SLC6A6: variants seen among roughly 807,000 people sequenced by gnomAD.
SLC6A6 encodes the protein sodium- and chloride-dependent taurine transporter.
In SLC6A6, 16 loss-of-function variants were observed where a neutral mutation model predicts 68.8. That is an observed-to-expected ratio of 0.23 (90% CI 0.16 to 0.35). The LOEUF is 0.35. Ranked by LOEUF, SLC6A6 falls within the 10% of genes least tolerant of loss-of-function variation. SLC6A6 has a pLI of 1.00. For missense variants in SLC6A6, 474 were observed against 802.8 expected (o/e 0.59, Z 4.95); for synonymous variants, 312 against 315.4 (o/e 0.99, Z 0.12).
intron 1 of SLC6A6, among the ~76,000 whole-genome samples, chr3:14,407,478 C>T (rs1266658186): frequency 1.3e-5 from 2 of 151,734 alleles, no homozygotes; most frequent in Non-Finnish European, 2.9e-5. Flanking sequence ...CTCCTCACCT[C>T]ACAAGACAGC....
At chr3:14,470,487 T>C (rs918602953) in intron 9 of SLC6A6, among the ~76,000 whole-genome samples, 2 of 152,212 alleles carry the variant, frequency 1.3e-5, no homozygotes, top group South Asian at 4.1e-4. Flanking sequence ...GAGTTCACCA[T>C]GCACTTTTAG....
chr3:14,403,164 T>C (rs181427707), intron 1 of SLC6A6, among the ~76,000 whole-genome samples: 1 of 152,038 alleles, frequency 6.6e-6, no homozygotes, highest in Non-Finnish European at 1.5e-5. Flanking sequence ...TGCCTACATG[T>C]GCCTCCGTAT....
Position 14,468,341 on chromosome 3 carries a change from C to CA in SLC6A6, c.1096+129_1096+130insA, listed in dbSNP as rs1288425475. The CA allele has an allele frequency of 1.2e-5, 9 of 733,362 alleles. No homozygotes were observed. The highest frequency in any genetic ancestry group is 3.1e-5 in the East Asian group (1 of 32,686). 45.4% of individuals were successfully genotyped at this position (733,362 alleles called of 1,614,324 possible). A position where few individuals can be genotyped will look rare whatever the true frequency, so the allele number is the denominator to read the frequency against. On this transcript the variant is annotated intron_variant, in intron 9 of 14. Coordinates refer to ENST00000622186, the MANE Select transcript of SLC6A6 (RefSeq NM_003043.6). This position sits in a 1 kb window ranked among gnomAD's most constrained non-coding sequence, Gnocchi z 4.5. ...AGCCTGGTTTCTAAAATGGACCCCC[C>CA]CCCCGCCACCAAGATATCCCCCAAA...
chr3:14,479,173 A>C lies in SLC6A6; in HGVS notation c.1539A>C (p.Pro513=). 2 of 1,609,312 alleles carry C rather than the reference A, an allele frequency of 1.2e-6. No homozygotes were observed. Among genetic ancestry groups the C allele is most frequent in the Non-Finnish European group, 1.7e-6 (2 of 1,175,582 alleles). The change falls in exon 13 of 15, where the codon CCA becomes CCC. Residue 513 remains proline (P), a synonymous_variant. Coordinates refer to ENST00000622186, the MANE Select transcript of SLC6A6 (RefSeq NM_003043.6). ...AGTACAGCTGGGCTGTGATCACTCC[A>C]GTTCTCTGTGTTGTGAGTTCCATTT... ...WMKYSWAVIT[P]VLCVGCFIFS...
intron 2 of SLC6A6, among the ~76,000 whole-genome samples, chr3:14,435,202 G>C (rs750961909): frequency 3.9e-5 from 6 of 152,218 alleles, no homozygotes; most frequent in Non-Finnish European, 7.3e-5. Context: ...CTGTCCTGTA[G>C]CTGTGGGACC....
chr3:14,482,348 C>G (rs1042191073), intron 14 of SLC6A6, among the ~76,000 whole-genome samples: 6 of 152,242 alleles, frequency 3.9e-5, no homozygotes, highest in Non-Finnish European at 8.8e-5. Context: ...TTCTCCGGAT[C>G]TGTGGCGGCA....
intron 14 of SLC6A6, among the ~76,000 whole-genome samples, chr3:14,484,629 A>G (rs1701094887): frequency 6.6e-6 from 1 of 152,226 alleles, no homozygotes; most frequent in Admixed American, 6.5e-5. Flanking sequence ...GGGTTTGGCC[A>G]AGGAAGGAAA....
At chr3:14,407,028 A>C (rs1325608496) in intron 1 of SLC6A6, among the ~76,000 whole-genome samples, 1 of 149,316 alleles carries the variant, frequency 6.7e-6, no homozygotes, top group African/African-American at 2.5e-5. Context: ...GGAGCCTGGG[A>C]ATCTGTATTT....
chr3:14,415,923 G>T (rs551017314), intron 1 of SLC6A6, among the ~76,000 whole-genome samples: 66 of 152,330 alleles, frequency 4.3e-4, no homozygotes, highest in Non-Finnish European at 8.4e-4. Flanking sequence ...TGACTGAGCT[G>T]GTGGGGCGCT....
Position 14,472,482 on chromosome 3 carries a change from G to C in SLC6A6, c.1209+165G>C, listed in dbSNP as rs1054391950. 1.3e-5 allele frequency among the ~76,000 whole-genome samples: 2 copies of C among 152,180 alleles called. No individual in the cohort carries two copies. Among genetic ancestry groups the C allele is most frequent in the African/African-American group, 2.4e-5 (1 of 41,436 alleles). ...CTCCAGGACACCAGGAATAGAAAAAGCTCTGCGTCCCCAGAAAGTGCATTT... is the reference window on the plus strand; with the variant it reads ...CTCCAGGACACCAGGAATAGAAAAACCTCTGCGTCCCCAGAAAGTGCATTT... On this transcript the variant is annotated intron_variant, in intron 10 of 14. Transcript: ENST00000622186. The surrounding 1 kb of genome is among the most constrained non-coding windows in gnomAD (Gnocchi z 4.5).
At chr3:14,448,124 A>C in intron 5 of SLC6A6, 1 of 1,039,348 alleles carries the variant, frequency 9.6e-7, no homozygotes, top group Non-Finnish European at 1.2e-6. Flanking sequence ...ATGTTGTCTA[A>C]AAATGATACA....
Position 14,472,325 on chromosome 3 carries a change from T to C in SLC6A6, c.1209+8T>C. ...CTTGGACTGGATAGCCAGGTGCGTATAAGGGATGGCCCTGGGGCGACTGCC... is the reference window on the plus strand; with the variant it reads ...CTTGGACTGGATAGCCAGGTGCGTACAAGGGATGGCCCTGGGGCGACTGCC... On this transcript the variant is annotated splice_region_variant and intron_variant, in intron 10 of 14. Transcript: ENST00000622186. The surrounding 1 kb of genome is among the most constrained non-coding windows in gnomAD (Gnocchi z 4.5). 3.3e-6 allele frequency: 5 copies of C among 1,532,338 alleles called. No homozygotes were observed. The African/African-American group carries it at 6.8e-5, about 21-fold the overall frequency. 94.9% of individuals were successfully genotyped at this position (1,532,338 alleles called of 1,614,324 possible). A position where few individuals can be genotyped will look rare whatever the true frequency, so the allele number is the denominator to read the frequency against.
At position 14,466,727 on chromosome 3, in the gene SLC6A6, G is replaced by A. The variant is rs369008846; in HGVS notation, c.867+77G>A. On this transcript the variant is annotated intron_variant, in intron 7 of 14. Coordinates refer to ENST00000622186, the MANE Select transcript of SLC6A6 (RefSeq NM_003043.6). ...GCACAGGACAGGGCAGGATGTAGAG[G>A]CCACTGGCAGCACATCTTCCGTGGT... The A allele has an allele frequency of 3.5e-5, 47 of 1,335,308 alleles. No homozygotes were observed. The African/African-American group carries it at 6.3e-4, about 18-fold the overall frequency. 82.7% of individuals were successfully genotyped at this position (1,335,308 alleles called of 1,614,324 possible). A position where few individuals can be genotyped will look rare whatever the true frequency, so the allele number is the denominator to read the frequency against.
At chr3:14,415,289 G>A (rs1043792191) in intron 1 of SLC6A6, among the ~76,000 whole-genome samples, 1 of 152,212 alleles carries the variant, frequency 6.6e-6, no homozygotes, top group Non-Finnish European at 1.5e-5. Context: ...GTTGAATGTG[G>A]AGGCCCTAAC....
In SLC6A6 at chr3:14,481,256, G is replaced by C. The variant is rs1268937395; in HGVS notation, c.1552-415G>C. Among the ~76,000 whole-genome samples the C allele has an allele frequency of 2.0e-5, 3 of 150,246 alleles. No homozygotes were observed. The highest frequency in any genetic ancestry group is 2.1e-4 in the South Asian group (1 of 4,786). On this transcript the variant is annotated intron_variant, in intron 13 of 14. Coordinates refer to ENST00000622186, the MANE Select transcript of SLC6A6 (RefSeq NM_003043.6). The surrounding 1 kb of genome is among the most constrained non-coding windows in gnomAD (Gnocchi z 4.7). ...GAGCCAAGTTAGGATGAGAAGATGT[G>C]GGGGAAAGAGGGCCAGGCAGAGGAA...
intron 6 of SLC6A6, among the ~76,000 whole-genome samples, chr3:14,459,469 A>C (rs1326380453): frequency 1.3e-5 from 2 of 151,934 alleles, no homozygotes. Context: ...CCCCTCCAAC[A>C]CACACAGTGC....
chr3:14,414,089 C>T (rs938281593), intron 1 of SLC6A6, among the ~76,000 whole-genome samples: 1 of 152,166 alleles, frequency 6.6e-6, no homozygotes, highest in African/African-American at 2.4e-5. Context: ...GGGGCTGAGT[C>T]CAGGTGCTGA....
At chr3:14,470,810 G>T (rs926224354) in intron 9 of SLC6A6, among the ~76,000 whole-genome samples, 2 of 152,178 alleles carry the variant, frequency 1.3e-5, no homozygotes, top group Non-Finnish European at 2.9e-5. Flanking sequence ...TTCTGAACCT[G>T]GCCCTGGTTC....
intron 2 of SLC6A6, among the ~76,000 whole-genome samples, chr3:14,438,821 C>G (rs6776817): frequency 0.79 from 119,860 of 152,186 alleles, 47,648 homozygotes; most frequent in African/African-American, 0.89. Context: ...AGATTTAAAT[C>G]ATTGTTCTCC....
Sources: gnomAD v4.1 joint callset for allele counts (sites outside exome capture counted in the v4.1 genomes callset) on GRCh38, gnomAD v4.1.1 for gene constraint, Gnocchi (gnomAD v3.1) non-coding constraint, MANE v1.5 for transcripts, NCBI Gene and HGNC (gene_info 2026-07-23, HGNC 2026-07-21) for gene names.